OSTM1: variants seen among roughly 807,000 people sequenced by gnomAD.
OSTM1 encodes the protein osteoclastogenesis associated transmembrane protein 1.
Under a neutral mutation model 35.4 loss-of-function variants are expected in OSTM1, and 26 were observed. That is an observed-to-expected ratio of 0.73 (90% confidence interval 0.54 to 1.02). OSTM1 has a LOEUF of 1.02. Among genes scored for constraint, OSTM1 ranks in the 50% least tolerant of loss-of-function variants. The pLI is 0.00. For synonymous variants in OSTM1, 181 were observed against 165.0 expected, an observed-to-expected ratio of 1.10 and a Z score of -0.75; for missense variants, 366 against 409.6, an observed-to-expected ratio of 0.89 and a Z score of 0.92.
chr6:108,055,689 T>C (rs531184366), intron 2 of OSTM1, among the ~76,000 whole-genome samples: 1 of 152,308 alleles, frequency 6.6e-6, no homozygotes, highest in Admixed American at 6.5e-5. Context: ...ACAGTCCCCA[T>C]CTACTTTCTG....
At chr6:108,048,484 A>G (rs147540166) in intron 5 of OSTM1, among the ~76,000 whole-genome samples, 1 of 152,190 alleles carries the variant, frequency 6.6e-6, no homozygotes, top group Non-Finnish European at 1.5e-5. Flanking sequence ...AGCATATACT[A>G]TTATATCAAG....
intron 5 of OSTM1, among the ~76,000 whole-genome samples, chr6:108,047,825 T>C (rs1050951789): frequency 6.6e-6 from 1 of 152,246 alleles, no homozygotes; most frequent in Non-Finnish European, 1.5e-5. Flanking sequence ...ACTTTTACTT[T>C]GACAGCAAAC....
chr6:108,051,814 G>A lies in OSTM1; in HGVS notation c.616-616C>T, dbSNP rs1772078717. Among the ~76,000 whole-genome samples the A allele has an allele frequency of 2.0e-5, 3 of 152,304 alleles. No individual in the cohort carries two copies. In the South Asian group the frequency reaches 6.2e-4, roughly 32 times the overall value. On this transcript the variant is annotated intron_variant, in intron 3 of 5. Transcript: ENST00000193322. ...TGTATAACCTAAAATGAGGATAGTG[G>A]AGGTACATAAAATATTATGCTACTA...
Position 108,074,262 on chromosome 6 carries a change from G to A in OSTM1, c.390C>T (p.Ser130=). 1 of 1,612,280 alleles carries A rather than the reference G, an allele frequency of 6.2e-7. No individual in the cohort carries two copies. The highest frequency in any genetic ancestry group is 8.5e-7 in the Non-Finnish European group (1 of 1,179,948). ...QQVVSKMDNI[S]RAAGNTSESQ... ...GTCCTGTACCCACCCCCGCGGCTCG[G>A]CTGATGTTGTCCATCTTGCTGACGA... is the stretch of plus-strand genomic sequence containing the variant. Residue 130 remains serine, a synonymous_variant, in exon 1 of 6, where the codon AGC becomes AGT. Transcript: ENST00000193322.
At chr6:108,073,408 G>A (rs923141215) in intron 1 of OSTM1, among the ~76,000 whole-genome samples, 3 of 152,082 alleles carry the variant, frequency 2.0e-5, no homozygotes, top group Non-Finnish European at 2.9e-5. Flanking sequence ...AAGTACTTAG[G>A]AGCAGGAATT....
intron 1 of OSTM1, among the ~76,000 whole-genome samples, chr6:108,068,621 T>C (rs1226184049): frequency 6.6e-6 from 1 of 152,130 alleles, no homozygotes; most frequent in African/African-American, 2.4e-5. Context: ...CTCCACATCA[T>C]GATGGCCCCC....
chr6:108,074,215 C>T (rs1772540988), intron 1 of OSTM1, 35 bp downstream of exon 1: 4 of 1,607,238 alleles, frequency 2.5e-6, no homozygotes, highest in African/African-American at 1.3e-5. Context: ...CCCAACTCTC[C>T]TGAGCCACAG....
chr6:108,049,767 G>A (rs191975201), intron 4 of OSTM1: 8 of 215,082 alleles, frequency 3.7e-5, no homozygotes, highest in African/African-American at 1.9e-4. Context: ...ATTATTTATT[G>A]AGAGCCTACT....
intron 3 of OSTM1, among the ~76,000 whole-genome samples, chr6:108,051,614 ATAAAAT>A (rs944026058): frequency 1.3e-4 from 20 of 152,212 alleles, no homozygotes; most frequent in African/African-American, 4.8e-4. Flanking sequence ...CACTGAATAA[ATAAAAT>A]AGGTTCCTGC....
At chr6:108,055,455 T>C (rs775334035) in intron 2 of OSTM1, among the ~76,000 whole-genome samples, 1 of 152,172 alleles carries the variant, frequency 6.6e-6, no homozygotes, top group Non-Finnish European at 1.5e-5. Flanking sequence ...GTGCTGGGAT[T>C]ACTTAAAGGC....
chr6:108,066,982 C>T (rs1306262675), intron 1 of OSTM1, among the ~76,000 whole-genome samples: 1 of 152,196 alleles, frequency 6.6e-6, no homozygotes, highest in Non-Finnish European at 1.5e-5. Context: ...AGAACCCTAA[C>T]CATCTTGAAG....
intron 5 of OSTM1, among the ~76,000 whole-genome samples, chr6:108,047,027 C>T (rs1055298717): frequency 6.6e-6 from 1 of 152,190 alleles, no homozygotes; most frequent in South Asian, 2.1e-4. Flanking sequence ...ACCTCTAATG[C>T]AGTTAGCTCC....
chr6:108,042,408 TTTTTTC>T lies in OSTM1; in HGVS notation c.*2371_*2376del. 2 of 125,290 alleles carry T rather than the reference TTTTTTC, an allele frequency of 1.6e-5. No homozygotes were observed. Among genetic ancestry groups the T allele is most frequent in the African/African-American group, 3.1e-5 (1 of 31,784 alleles). 7.8% of individuals were successfully genotyped at this position (125,290 alleles called of 1,614,324 possible). A position where few individuals can be genotyped will look rare whatever the true frequency, so the allele number is the denominator to read the frequency against. Reference sequence around the variant, plus strand: ...AAAATTTAAGACAGACAGTACTTTCTTTTTTCTTTTTTTTTTTTTTTTTTTGAGACA... The same window carrying T: ...AAAATTTAAGACAGACAGTACTTTCTTTTTTTTTTTTTTTTTTTTGAGACA... On this transcript the variant is annotated 3_prime_UTR_variant, in exon 6 of 6. Transcript: ENST00000193322.
At chr6:108,062,540 T>C (rs1008163061) in intron 2 of OSTM1, among the ~76,000 whole-genome samples, 52 of 150,668 alleles carry the variant, frequency 3.5e-4, no homozygotes, top group East Asian at 1.9e-3. Context: ...CTTTTCTTTT[T>C]TTTTTTTTTT....
intron 1 of OSTM1, among the ~76,000 whole-genome samples, 200 bp from the exon 2 acceptor site, chr6:108,064,499 C>T (rs541092852): frequency 6.6e-6 from 1 of 152,244 alleles, no homozygotes; most frequent in Admixed American, 6.5e-5. Flanking sequence ...GGTTCACTTG[C>T]AAAGGAAGAA....
At chr6:108,070,965 G>A (rs1772473019) in intron 1 of OSTM1, among the ~76,000 whole-genome samples, 1 of 149,918 alleles carries the variant, frequency 6.7e-6, no homozygotes, top group South Asian at 2.1e-4. Flanking sequence ...GAGGTGTGCA[G>A]ATCACGAGGT....
At chr6:108,058,526 C>T (rs979703904) in intron 2 of OSTM1, among the ~76,000 whole-genome samples, 19 of 152,334 alleles carry the variant, frequency 1.2e-4, no homozygotes, top group Middle Eastern at 3.4e-3. Context: ...CAGTGGCTCA[C>T]GCCTGTAATC....
chr6:108,059,003 TAAAG>T (rs1388882473), intron 2 of OSTM1, among the ~76,000 whole-genome samples: 3 of 152,188 alleles, frequency 2.0e-5, no homozygotes, highest in Non-Finnish European at 4.4e-5. Context: ...AGGTTGCTCA[TAAAG>T]AAAGAGTTTT....
rs189099079 is a variant in OSTM1, at chr6:108,041,679, G to A, written c.*3106C>T. On this transcript the variant is annotated 3_prime_UTR_variant, in exon 6 of 6. Transcript: ENST00000193322. ...CATCTCAAGTCTCCATTTAAGAGTT[G>A]ACTATCAAAGAATGACTGTTATAAA... The A allele has an allele frequency of 6.6e-6, 1 of 152,266 alleles. No individual in the cohort carries two copies. Among genetic ancestry groups the A allele is most frequent in the African/African-American group, 2.4e-5 (1 of 41,554 alleles). 9.4% of individuals were successfully genotyped at this position (152,266 alleles called of 1,614,324 possible).
Sources: gnomAD v4.1 joint callset for allele counts (sites outside exome capture counted in the v4.1 genomes callset) on GRCh38, gnomAD v4.1.1 for gene constraint, MANE v1.5 for transcripts, NCBI Gene and HGNC (gene_info 2026-07-23, HGNC 2026-07-21) for gene names.